Variants in GAN observed in about 807,000 individuals in gnomAD.
GAN encodes the protein gigaxonin, also known as epididymis secretory sperm binding protein.
A neutral mutation model predicts 71.3 loss-of-function variants in GAN; 48 were observed. The observed-to-expected ratio is 0.67, with a 90% CI of 0.53 to 0.86. GAN has a LOEUF of 0.86. Among genes scored for constraint, GAN ranks in the 40% least tolerant of loss-of-function variants. GAN has a pLI of 0.00. For missense variants in GAN, 928 were observed against 770.1 expected, an observed-to-expected ratio of 1.21 and a Z score of -2.43; for synonymous variants, 386 against 276.8, an observed-to-expected ratio of 1.39 and a Z score of -3.92.
chr16:81,355,658 C>T (rs1353547567), intron 3 of GAN, among the ~76,000 whole-genome samples: 2 of 152,192 alleles, frequency 1.3e-5, no homozygotes, highest in Non-Finnish European at 2.9e-5. Flanking sequence ...CCACCATGCC[C>T]AGCCAGGACT....
intron 9 of GAN, chr16:81,371,944 C>G (rs1597410809): frequency 6.6e-6 from 1 of 152,212 alleles, no homozygotes; most frequent in East Asian, 1.9e-4. Flanking sequence ...CTTGGAGCAA[C>G]TGAGGAGCCA....
intron 9 of GAN, among the ~76,000 whole-genome samples, chr16:81,368,001 C>T (rs1187720549): frequency 6.6e-6 from 1 of 152,166 alleles, no homozygotes; most frequent in South Asian, 2.1e-4. Flanking sequence ...CTGTAGTTGC[C>T]GGATGAGCAG....
At chr16:81,323,265 T>A (rs1341248072) in intron 1 of GAN, among the ~76,000 whole-genome samples, 2 of 152,186 alleles carry the variant, frequency 1.3e-5, no homozygotes, top group Non-Finnish European at 2.9e-5. Context: ...GCTACTGTCT[T>A]GTGCGACCAA....
chr16:81,372,138 T>G (rs1028250763), intron 9 of GAN: 4 of 152,278 alleles, frequency 2.6e-5, no homozygotes, highest in African/African-American at 9.6e-5. Context: ...TAATCCATGC[T>G]GTATTTTAAA....
At chr16:81,328,347 T>G (rs558663794) in intron 1 of GAN, among the ~76,000 whole-genome samples, 1 of 152,372 alleles carries the variant, frequency 6.6e-6, no homozygotes, top group Admixed American at 6.5e-5. Context: ...CGTATCTCAA[T>G]GTAATGCCCA....
chr16:81,345,781 C>G (rs1910098672), intron 1 of GAN, among the ~76,000 whole-genome samples: 1 of 152,166 alleles, frequency 6.6e-6, no homozygotes, highest in South Asian at 2.1e-4. Context: ...AACCTTTTCC[C>G]TGATAGCCTA....
chr16:81,335,377 G>C (rs1340755237), intron 1 of GAN, among the ~76,000 whole-genome samples: 1 of 152,042 alleles, frequency 6.6e-6, no homozygotes, highest in Non-Finnish European at 1.5e-5. Context: ...GCACTTTTTG[G>C]AGGCCGAGGC....
At chr16:81,376,650 G>A (rs1211308236) in intron 9 of GAN, among the ~76,000 whole-genome samples, 1 of 150,266 alleles carries the variant, frequency 6.7e-6, no homozygotes, top group Non-Finnish European at 1.5e-5. Context: ...GTGTATATAT[G>A]TGTGTATATA....
At chr16:81,361,973 G>A (rs1910688311) in intron 5 of GAN, among the ~76,000 whole-genome samples, 1 of 152,116 alleles carries the variant, frequency 6.6e-6, no homozygotes. Context: ...ACCACCACCC[G>A]GCTAAGATTA....
At position 81,385,812 on chromosome 16, in the gene GAN, C is replaced by A. The variant is rs892569527; in HGVS notation, c.*8216C>A. ...TTTGAGATGGAGTCTCGCTCCGTCA[C>A]CCAGGCTGGAGTGCAGTGGCGCCAT... On this transcript the variant is annotated 3_prime_UTR_variant, in exon 11 of 11. Transcript: ENST00000648994. 4.8e-5 allele frequency: 7 copies of A among 146,922 alleles called. No individual in the cohort carries two copies. The highest frequency in any genetic ancestry group is 1.8e-4 in the African/African-American group (7 of 39,688). 9.1% of individuals were successfully genotyped at this position (146,922 alleles called of 1,614,324 possible).
At chr16:81,324,578 G>A (rs1056240599) in intron 1 of GAN, among the ~76,000 whole-genome samples, 2 of 152,152 alleles carry the variant, frequency 1.3e-5, no homozygotes, top group African/African-American at 2.4e-5. Flanking sequence ...TTAGAGGCTG[G>A]GAAGGCCTGT....
In GAN at chr16:81,362,623, G is replaced by C; in HGVS notation, c.1086+12G>C. 1 of 1,285,970 alleles carries C rather than the reference G, an allele frequency of 7.8e-7. No individual in the cohort carries two copies. The highest frequency in any genetic ancestry group is 2.3e-5 in the East Asian group (1 of 43,446). 79.7% of individuals were successfully genotyped at this position (1,285,970 alleles called of 1,614,324 possible). ...CACCTATGAACGAGGTAAAACACTAGTTGGTTGGTTTGTTTGATGTGTTTC... is the reference window on the plus strand; with the variant it reads ...CACCTATGAACGAGGTAAAACACTACTTGGTTGGTTTGTTTGATGTGTTTC... On this transcript the variant is annotated intron_variant, in intron 6 of 10. Coordinates refer to ENST00000648994, the MANE Select transcript of GAN (RefSeq NM_022041.4).
intron 1 of GAN, among the ~76,000 whole-genome samples, chr16:81,345,148 T>C (rs1910075539): frequency 6.6e-6 from 1 of 151,992 alleles, no homozygotes; most frequent in Non-Finnish European, 1.5e-5. Context: ...TTTACACTGT[T>C]GGTGGTAGTG....
chr16:81,351,296 A>G (rs1910291481), intron 1 of GAN, among the ~76,000 whole-genome samples: 1 of 152,210 alleles, frequency 6.6e-6, no homozygotes, highest in African/African-American at 2.4e-5. Flanking sequence ...GCCTAAAGGG[A>G]CTGGGATTTC....
intron 1 of GAN, among the ~76,000 whole-genome samples, chr16:81,346,659 A>G (rs376862432): frequency 9.8e-5 from 15 of 152,338 alleles, no homozygotes; most frequent in African/African-American, 3.4e-4. Context: ...CCACGAAACC[A>G]GTCCCTGGTG....
Position 81,354,684 on chromosome 16 carries a change from A to C in GAN, c.562A>C (p.Asn188His). Residue 188 changes from asparagine to histidine, a missense_variant, in exon 3 of 11, where the codon AAC (asparagine) becomes CAC (histidine). Asn to His is a moderately conservative substitution (Grantham distance 68, BLOSUM62 1). Transcript: ENST00000648994. ...AGAAGTGATTTCTCTTGAGAAGTTA[A>C]ACGTTGGCAATGAAAGATATGTCTT... Reference protein sequence around the residue: ...LKEVISLEKLNVGNERYVFEA... With the variant: ...LKEVISLEKLHVGNERYVFEA... 1 of 1,613,724 alleles carries C rather than the reference A, an allele frequency of 6.2e-7. No homozygotes were observed. Among genetic ancestry groups the C allele is most frequent in the Non-Finnish European group, 8.5e-7 (1 of 1,179,564 alleles).
intron 9 of GAN, among the ~76,000 whole-genome samples, chr16:81,367,615 G>A (rs1386724065): frequency 6.6e-6 from 1 of 152,182 alleles, no homozygotes; most frequent in East Asian, 1.9e-4. Flanking sequence ...ATAGAATGAA[G>A]AAAGCTGTTA....
intron 1 of GAN, among the ~76,000 whole-genome samples, chr16:81,325,477 C>T (rs1437569568): frequency 1.3e-5 from 2 of 152,188 alleles, no homozygotes; most frequent in African/African-American, 4.8e-5. Context: ...CATATTCTAG[C>T]ATGCCGGGTT....
intron 1 of GAN, among the ~76,000 whole-genome samples, chr16:81,335,031 A>C (rs1447750560): frequency 6.6e-6 from 1 of 151,662 alleles, no homozygotes; most frequent in Non-Finnish European, 1.5e-5. Context: ...AAAATAAAGC[A>C]AGGGAAGGGG....
Sources: gnomAD v4.1 joint callset for allele counts (sites outside exome capture counted in the v4.1 genomes callset) on GRCh38, gnomAD v4.1.1 for gene constraint, MANE v1.5 for transcripts, NCBI Gene and HGNC (gene_info 2026-07-23, HGNC 2026-07-21) for gene names.